Variants in GTF2I observed in about 807,000 individuals in gnomAD.
GTF2I encodes the protein general transcription factor II-I.
GTF2I carries 12 observed loss-of-function variants against 67.6 expected under a neutral mutation model. That is an observed-to-expected ratio of 0.18 (90% CI 0.11 to 0.29). GTF2I has a LOEUF of 0.29. Ranked by LOEUF, GTF2I falls within the 10% of genes least tolerant of loss-of-function variation. The pLI is 1.00. For missense variants in GTF2I, 271 were observed against 580.1 expected, an observed-to-expected ratio of 0.47 and a Z score of 5.47; for synonymous variants, 149 against 197.0, an observed-to-expected ratio of 0.76 and a Z score of 2.04.
In GTF2I at chr7:74,711,009, TATC is replaced by T. The variant is rs1290221098; in HGVS notation, c.686-20_686-18del. 2 of 1,293,896 alleles carry T rather than the reference TATC, an allele frequency of 1.5e-6. No individual in the cohort carries two copies. The highest frequency in any genetic ancestry group is 2.2e-6 in the Non-Finnish European group (2 of 910,498). The allele number at this position is 1,293,896 out of a possible 1,614,324, so 80.2% of individuals were successfully genotyped here. A position where few individuals can be genotyped will look rare whatever the true frequency, so the allele number is the denominator to read the frequency against. On this transcript the variant is annotated intron_variant, in intron 8 of 34. Coordinates refer to ENST00000573035, the MANE Select transcript of GTF2I (RefSeq NM_032999.4). ...AGCTGAAAGTTCTCACATGCAATCA[TATC>T]ATTGCATTTGCTTTTCTAGGCATTT...
At chr7:74,683,440 CAAA>C (rs1262831181) in intron 1 of GTF2I, among the ~76,000 whole-genome samples, 10 of 152,018 alleles carry the variant, frequency 6.6e-5, no homozygotes. Flanking sequence ...TTTTAGCAAA[CAAA>C]AACAGTTTGT....
At chr7:74,666,870 C>T (rs1041209491) in intron 1 of GTF2I, among the ~76,000 whole-genome samples, 1 of 151,708 alleles carries the variant, frequency 6.6e-6, no homozygotes, top group Non-Finnish European at 1.5e-5. Context: ...GTCCCAGCTA[C>T]TCAGGAGGCT....
chr7:74,720,894 G>A (rs587747695), intron 12 of GTF2I, among the ~76,000 whole-genome samples: 2 of 152,056 alleles, frequency 1.3e-5, no homozygotes, highest in South Asian at 4.1e-4. Flanking sequence ...GTAAATACTT[G>A]CTTTTATAGT....
chr7:74,717,483 GTA>G (rs1792401041), intron 11 of GTF2I, among the ~76,000 whole-genome samples: 1 of 152,052 alleles, frequency 6.6e-6, no homozygotes, highest in Non-Finnish European at 1.5e-5. Flanking sequence ...CCTGACTGAG[GTA>G]CAGTTCTTTT....
At chr7:74,666,312 A>G (rs1804965396) in intron 1 of GTF2I, among the ~76,000 whole-genome samples, 1 of 152,208 alleles carries the variant, frequency 6.6e-6, no homozygotes, top group African/African-American at 2.4e-5. Flanking sequence ...TTTCAAGAAA[A>G]TAAATAAGGT....
chr7:74,659,023 G>T (rs1584043177), intron 1 of GTF2I, among the ~76,000 whole-genome samples: 1 of 152,144 alleles, frequency 6.6e-6, no homozygotes, highest in East Asian at 1.9e-4. Context: ...CACAGGTGGG[G>T]TGCTGTTGGA....
intron 9 of GTF2I, among the ~76,000 whole-genome samples, chr7:74,713,437 A>G (rs188686280): frequency 7.3e-4 from 111 of 152,348 alleles, no homozygotes; most frequent in Non-Finnish European, 1.2e-3. Context: ...TATATGCTAA[A>G]TAGAATATTT....
At chr7:74,718,242 C>T (rs1033322665) in intron 11 of GTF2I, among the ~76,000 whole-genome samples, 96 of 152,308 alleles carry the variant, frequency 6.3e-4, no homozygotes, top group African/African-American at 2.2e-3. Context: ...TTTGGCAAAT[C>T]AATTAATCTC....
intron 6 of GTF2I, among the ~76,000 whole-genome samples, chr7:74,701,731 C>T (rs1246935473): frequency 1.3e-5 from 2 of 152,168 alleles, no homozygotes; most frequent in South Asian, 2.1e-4. Context: ...TCCCAAAGTG[C>T]TGGGATTACA....
At chr7:74,708,909 A>T (rs1554402028) in intron 8 of GTF2I, among the ~76,000 whole-genome samples, 1 of 152,158 alleles carries the variant, frequency 6.6e-6, no homozygotes, top group African/African-American at 2.4e-5. Context: ...AAAGAAATCC[A>T]TTTTTACTCT....
chr7:74,671,894 G>A (rs1174778584), intron 1 of GTF2I, among the ~76,000 whole-genome samples: 1 of 151,942 alleles, frequency 6.6e-6, no homozygotes, highest in African/African-American at 2.4e-5. Flanking sequence ...TGAGGTGGGA[G>A]GATTGCTTGA....
chr7:74,663,435 G>A (rs1804691500), intron 1 of GTF2I, among the ~76,000 whole-genome samples: 1 of 152,108 alleles, frequency 6.6e-6, no homozygotes, highest in Admixed American at 6.6e-5. Context: ...ACAGGCATGT[G>A]CCACCATGCC....
In GTF2I at chr7:74,687,508, C is replaced by T; in HGVS notation, c.-5-1616C>T. On this transcript the variant is annotated intron_variant, in intron 1 of 34. Transcript: ENST00000573035. ...AAAGGGCTGGGATTACAGGCGTGAG[C>T]CACCACGCCCAGTGGATTATGGTTT... 5 of 971,564 alleles carry T rather than the reference C, an allele frequency of 5.1e-6. No individual in the cohort carries two copies. In the East Asian group the frequency reaches 3.4e-4, roughly 66 times the overall value. 60.2% of individuals were successfully genotyped at this position (971,564 alleles called of 1,614,324 possible). A position where few individuals can be genotyped will look rare whatever the true frequency, so the allele number is the denominator to read the frequency against.
chr7:74,661,181 G>A (rs1275938576), intron 1 of GTF2I, among the ~76,000 whole-genome samples: 1 of 152,076 alleles, frequency 6.6e-6, no homozygotes, highest in East Asian at 1.9e-4. Flanking sequence ...CGGGAGAGCT[G>A]GCATGTGCGG....
intron 26 of GTF2I, among the ~76,000 whole-genome samples, chr7:74,750,589 G>A (rs587742102): frequency 2.5e-4 from 30 of 118,462 alleles, no homozygotes; most frequent in Non-Finnish European, 1.8e-4. Context: ...AGCAAAGCTG[G>A]CCACTTTTTT....
Position 74,711,101 on chromosome 7 carries a change from A to T in GTF2I, c.755A>T (p.Asn252Ile). 1 of 1,382,552 alleles carries T rather than the reference A, an allele frequency of 7.2e-7. No individual in the cohort carries two copies. Among genetic ancestry groups the T allele is most frequent in the Non-Finnish European group, 1.0e-6 (1 of 995,866 alleles). The allele number at this position is 1,382,552 out of a possible 1,614,324, so 85.6% of individuals were successfully genotyped here. ...GAAGATCCTGATTATTATCAATATA[A>T]CATTCAAGGTAATTTGAATTAATGC... is the stretch of plus-strand genomic sequence containing the variant. ...ESEDPDYYQY[N>I]IQAGPSETDD... Residue 252 changes from asparagine to isoleucine, a missense_variant, in exon 9 of 35, where the codon AAC (asparagine) becomes ATC (isoleucine). Asn to Ile is a moderately radical substitution (Grantham distance 149). Coordinates refer to ENST00000573035, the MANE Select transcript of GTF2I (RefSeq NM_032999.4).
At chr7:74,690,619 G>A (rs1017029829) in intron 2 of GTF2I, among the ~76,000 whole-genome samples, 1 of 152,100 alleles carries the variant, frequency 6.6e-6, no homozygotes, top group Non-Finnish European at 1.5e-5. Context: ...TTTCCCAGGG[G>A]AGGGCCATGC....
chr7:74,706,731 T>A (rs1790756034), intron 8 of GTF2I, among the ~76,000 whole-genome samples: 2 of 152,204 alleles, frequency 1.3e-5, no homozygotes, highest in Admixed American at 6.5e-5. Flanking sequence ...TCTATAGTGC[T>A]TTTTACAAAA....
At chr7:74,701,412 A>AT (rs1425271028) in intron 6 of GTF2I, among the ~76,000 whole-genome samples, 10 of 152,096 alleles carry the variant, frequency 6.6e-5, no homozygotes, top group Admixed American at 6.6e-4. Context: ...GAAAAGATTA[A>AT]TTTTTTAGCA....
Sources: gnomAD v4.1 joint callset for allele counts (sites outside exome capture counted in the v4.1 genomes callset) on GRCh38, gnomAD v4.1.1 for gene constraint, MANE v1.5 for transcripts, NCBI Gene and HGNC (gene_info 2026-07-23, HGNC 2026-07-21) for gene names.